Variants in TACR3 observed in about 807,000 individuals in gnomAD.
The protein encoded by TACR3 is tachykinin receptor 3, also known as neuromedin-K receptor.
TACR3 carries 34 observed loss-of-function variants against 35.0 expected under a neutral mutation model. The ratio of observed to expected loss-of-function variants is 0.97; its 90% confidence interval spans 0.74 to 1.30. The LOEUF is 1.30. Among genes scored for constraint, TACR3 ranks in the 50% most tolerant of loss-of-function variants. The pLI, the probability that TACR3 is intolerant of heterozygous loss-of-function variation, is 0.00. For synonymous variants in TACR3, 233 were observed against 221.1 expected, an observed-to-expected ratio of 1.05 and a Z score of -0.48; for missense variants, 558 against 591.7, an observed-to-expected ratio of 0.94 and a Z score of 0.59.
intron 3 of TACR3, among the ~76,000 whole-genome samples, chr4:103,626,316 C>T (rs1724889191): frequency 6.6e-6 from 1 of 152,170 alleles, no homozygotes; most frequent in African/African-American, 2.4e-5. Flanking sequence ...TTACATCCAT[C>T]AGAGAGAGCC....
intron 1 of TACR3, among the ~76,000 whole-genome samples, chr4:103,687,726 C>T (rs1301744420): frequency 6.6e-6 from 1 of 152,082 alleles, no homozygotes; most frequent in African/African-American, 2.4e-5. Flanking sequence ...AACTACAAAC[C>T]ACTCCTCAAT....
intron 1 of TACR3, among the ~76,000 whole-genome samples, chr4:103,700,359 C>T (rs1440556232): frequency 6.6e-6 from 1 of 152,096 alleles, no homozygotes; most frequent in Non-Finnish European, 1.5e-5. Context: ...CCCTTACTTA[C>T]AGGAGTGTGT....
At chr4:103,685,651 C>A (rs1446030285) in intron 1 of TACR3, among the ~76,000 whole-genome samples, 2 of 152,240 alleles carry the variant, frequency 1.3e-5, no homozygotes, top group East Asian at 3.9e-4. Context: ...GAACTTTAAA[C>A]ACTTCACAAT....
intron 1 of TACR3, among the ~76,000 whole-genome samples, chr4:103,699,885 TGAG>T (rs1294443558): frequency 1.3e-5 from 2 of 152,022 alleles, no homozygotes; most frequent in African/African-American, 4.8e-5. Flanking sequence ...ATGGCGATGT[TGAG>T]GAGGCTGTCG....
rs771648268 is a variant in TACR3 at position 103,719,379 on chromosome 4, T to A, written c.297A>T (p.Ala99=). 7 of 1,614,222 alleles carry A rather than the reference T, an allele frequency of 4.3e-6. No homozygotes were observed. The South Asian group carries it at 4.4e-5, about 10-fold the overall frequency. ...SLAYGVVVAV[A]VLGNLIVIWI... is the part of the protein sequence containing the mutation. The stretch of plus-strand genomic sequence containing the variant: ...AGATGACGATGAGATTTCCCAAAAC[T>A]GCCACTGCCACCACCACACCATACG... Residue 99 remains alanine, a synonymous_variant, in exon 1 of 5, where the codon GCA becomes GCT. Coordinates refer to ENST00000304883, the MANE Select transcript of TACR3 (RefSeq NM_001059.3).
intron 1 of TACR3, among the ~76,000 whole-genome samples, chr4:103,699,546 A>G (rs955389457): frequency 1.3e-5 from 2 of 152,188 alleles, no homozygotes; most frequent in African/African-American, 4.8e-5. Flanking sequence ...ACTGAGAACA[A>G]ACTTAAGGGA....
intron 3 of TACR3, among the ~76,000 whole-genome samples, chr4:103,629,588 G>A (rs900111062): frequency 1.5e-4 from 23 of 152,048 alleles, no homozygotes; most frequent in Non-Finnish European, 2.2e-4. Context: ...TACAAGGGAT[G>A]TGGAGGACCT....
rs1047732688 is a variant in TACR3, at chr4:103,587,958, G to A, written c.*1724C>T. Reference sequence around the variant, plus strand: ...AAGTTGTTGCATTCATTAAATGATTGAATGTGTAGGCACATTTGTATGTGT... The same window carrying A: ...AAGTTGTTGCATTCATTAAATGATTAAATGTGTAGGCACATTTGTATGTGT... On this transcript the variant is annotated 3_prime_UTR_variant, in exon 5 of 5. Transcript: ENST00000304883. 6.6e-6 allele frequency: 1 copy of A among 151,434 alleles called. No homozygotes were observed. The highest frequency in any genetic ancestry group is 1.5e-5 in the Non-Finnish European group (1 of 67,882). The allele number at this position is 151,434 out of a possible 1,614,324, so 9.4% of individuals were successfully genotyped here. A position where few individuals can be genotyped will look rare whatever the true frequency, so the allele number is the denominator to read the frequency against.
chr4:103,624,091 T>C (rs1425165468), intron 3 of TACR3, among the ~76,000 whole-genome samples: 2 of 152,150 alleles, frequency 1.3e-5, no homozygotes, highest in Non-Finnish European at 2.9e-5. Context: ...TCCACACGGG[T>C]AACATTTGAA....
intron 1 of TACR3, among the ~76,000 whole-genome samples, chr4:103,688,656 C>G (rs1722316047): frequency 6.6e-6 from 1 of 150,928 alleles, no homozygotes; most frequent in South Asian, 2.1e-4. Flanking sequence ...AAATGCTCAC[C>G]ATCACTGGCC....
rs536071844 is a variant in TACR3 at position 103,608,420 on chromosome 4, G to C, written c.889-16737C>G. Among the ~76,000 whole-genome samples the C allele has an allele frequency of 2.6e-5, 4 of 152,024 alleles. No homozygotes were observed. In the South Asian group the frequency reaches 8.3e-4, roughly 32 times the overall value. On this transcript the variant is annotated intron_variant, in intron 3 of 4. Transcript: ENST00000304883. ...GTAGACTACTAGAGGCAGGAGAAAG[G>C]GGAGCATAGGTGGAAAAACTACCTA... is the stretch of plus-strand genomic sequence containing the variant.
intron 3 of TACR3, among the ~76,000 whole-genome samples, chr4:103,637,693 A>T (rs980696835): frequency 6.6e-6 from 1 of 152,196 alleles, no homozygotes; most frequent in African/African-American, 2.4e-5. Context: ...AGAAAACCCC[A>T]TTGTCTCAGC....
chr4:103,708,978 C>A (rs1425025963), intron 1 of TACR3, among the ~76,000 whole-genome samples: 2 of 152,152 alleles, frequency 1.3e-5, no homozygotes, highest in African/African-American at 2.4e-5. Context: ...AAGAAATGAA[C>A]AAAGCCTCCA....
chr4:103,614,962 T>A (rs1435542774), intron 3 of TACR3, among the ~76,000 whole-genome samples: 1 of 137,116 alleles, frequency 7.3e-6, no homozygotes, highest in Non-Finnish European at 1.5e-5. Context: ...TGGCGCGATC[T>A]CCGCTCACTG....
At chr4:103,710,031 G>A (rs935869148) in intron 1 of TACR3, among the ~76,000 whole-genome samples, 1 of 152,124 alleles carries the variant, frequency 6.6e-6, no homozygotes, top group South Asian at 2.1e-4. Context: ...GACCTACAGA[G>A]ACTTTGACTC....
chr4:103,675,722 A>G (rs1726156153), intron 1 of TACR3, among the ~76,000 whole-genome samples: 2 of 152,156 alleles, frequency 1.3e-5, no homozygotes, highest in African/African-American at 4.8e-5. Context: ...AAGGAGTGGT[A>G]GACACGTCCG....
At chr4:103,718,940 C>T (rs1387364009) in intron 1 of TACR3, among the ~76,000 whole-genome samples, 188 bp downstream of exon 1, 4 of 152,082 alleles carry the variant, frequency 2.6e-5, no homozygotes, top group African/African-American at 7.2e-5. Context: ...TTGGAGGCCA[C>T]GGAAGCAGAA....
At chr4:103,687,477 T>TGG (rs1207136609) in intron 1 of TACR3, among the ~76,000 whole-genome samples, 48 of 152,148 alleles carry the variant, frequency 3.2e-4, no homozygotes, top group Non-Finnish European at 5.9e-4. Context: ...GCAGATGACA[T>TGG]GATTGTATAT....
chr4:103,638,975 C>T (rs1040001401), intron 3 of TACR3, among the ~76,000 whole-genome samples: 1 of 152,098 alleles, frequency 6.6e-6, no homozygotes, highest in Non-Finnish European at 1.5e-5. Flanking sequence ...AATAGGAACA[C>T]TTTTACACTG....
Sources: gnomAD v4.1 joint callset for allele counts (sites outside exome capture counted in the v4.1 genomes callset) on GRCh38, gnomAD v4.1.1 for gene constraint, MANE v1.5 for transcripts, NCBI Gene and HGNC (gene_info 2026-07-23, HGNC 2026-07-21) for gene names.